Variants in WDPCP observed in about 807,000 individuals in gnomAD.
WDPCP encodes the protein WD repeat containing planar cell polarity effector, also known as WD repeat-containing and planar cell polarity effector protein fritz homolog.
Under a neutral mutation model 93.1 loss-of-function variants are expected in WDPCP, and 71 were observed. The ratio of observed to expected loss-of-function variants is 0.76; its 90% CI spans 0.63 to 0.93. WDPCP has a LOEUF of 0.93. Ranked by LOEUF, WDPCP falls within the 40% of genes least tolerant of loss-of-function variation. The pLI is 0.00. For synonymous variants in WDPCP, 315 were observed against 315.0 expected, an observed-to-expected ratio of 1.00 and a Z score of 0.00; for missense variants, 844 against 887.4, an observed-to-expected ratio of 0.95 and a Z score of 0.62.
chr2:63,518,538 C>T (rs1702705384), intron 1 of WDPCP: 1 of 152,362 alleles, frequency 6.6e-6, no homozygotes, highest in African/African-American at 2.4e-5. Context: ...GAACTAAAGC[C>T]AGTGGGGAGC....
chr2:63,803,452 C>G (rs1670722064), intron 2 of WDPCP, among the ~76,000 whole-genome samples: 1 of 152,040 alleles, frequency 6.6e-6, no homozygotes, highest in Non-Finnish European at 1.5e-5. Context: ...TAATATGGAA[C>G]TAGCATATTC....
At chr2:63,211,153 GCCT>G (rs1400870202) in intron 14 of WDPCP, among the ~76,000 whole-genome samples, 6 of 152,210 alleles carry the variant, frequency 3.9e-5, no homozygotes, top group African/African-American at 1.2e-4. Flanking sequence ...TGGACAGACT[GCCT>G]CCTCAAGTGG....
At position 63,358,611 on chromosome 2, in the gene WDPCP, C is replaced by T. The variant is rs188388555; in HGVS notation, c.1748+19775G>A. Among the ~76,000 whole-genome samples, 110 of 152,238 alleles carry T rather than the reference C, an allele frequency of 7.2e-4. 1 individual carries two copies. The East Asian group carries it at 7.9e-3, about 11-fold the overall frequency. Reference sequence around the variant, plus strand: ...AGCTGGGACTACAGGTGTGCACCATCACACCTGGCTAATTATTTTATTTTT... The same window carrying T: ...AGCTGGGACTACAGGTGTGCACCATTACACCTGGCTAATTATTTTATTTTT... On this transcript the variant is annotated intron_variant, in intron 12 of 17. Transcript: ENST00000272321.
intron 2 of WDPCP, among the ~76,000 whole-genome samples, chr2:63,741,591 A>AT (rs966884208): frequency 3.1e-4 from 46 of 149,458 alleles, no homozygotes; most frequent in South Asian, 6.4e-4. Context: ...CAATATTTGC[A>AT]TTTTTTTTTC....
chr2:63,437,393 A>T, intron 8 of WDPCP, 28 bp downstream of exon 8: 1 of 1,533,424 alleles, frequency 6.5e-7, no homozygotes, highest in Non-Finnish European at 8.9e-7. Context: ...ATAATTAATA[A>T]TATGACTATA....
At chr2:63,257,675 C>G (rs1425696875) in intron 14 of WDPCP, among the ~76,000 whole-genome samples, 1 of 152,158 alleles carries the variant, frequency 6.6e-6, no homozygotes, top group Non-Finnish European at 1.5e-5. Flanking sequence ...ACTAAGCTTT[C>G]TGGCTAGGAA....
chr2:63,437,766 A>T, intron 7 of WDPCP: 5 of 1,311,764 alleles, frequency 3.8e-6, no homozygotes, highest in Admixed American at 2.5e-5. Context: ...TTTTCCTGTG[A>T]CTATTTCAAT....
chr2:63,292,329 T>A (rs992342607), intron 13 of WDPCP, among the ~76,000 whole-genome samples: 1 of 151,378 alleles, frequency 6.6e-6, no homozygotes, highest in South Asian at 2.1e-4. Flanking sequence ...AACATTATCA[T>A]CATTTAATGC....
intron 14 of WDPCP, among the ~76,000 whole-genome samples, chr2:63,212,638 G>A (rs1676927164): frequency 6.6e-6 from 1 of 152,130 alleles, no homozygotes; most frequent in African/African-American, 2.4e-5. Flanking sequence ...ACATGTAAAT[G>A]GACTAAATGC....
At chr2:63,150,261 T>C (rs1457457348) in intron 17 of WDPCP, among the ~76,000 whole-genome samples, 2 of 152,318 alleles carry the variant, frequency 1.3e-5, no homozygotes, top group Non-Finnish European at 2.9e-5. Context: ...TGATGTCATA[T>C]AGGGGTTTCT....
At chr2:63,323,279 C>A (rs185172343) in intron 12 of WDPCP, among the ~76,000 whole-genome samples, 2 of 152,220 alleles carry the variant, frequency 1.3e-5, no homozygotes, top group African/African-American at 4.8e-5. Context: ...TTCTAAAAAC[C>A]ACTCCCTGTC....
chr2:63,589,307 G>A (rs1233455098), upstream of WDPCP: 1 of 1,550,742 alleles, frequency 6.4e-7, no homozygotes, highest in Admixed American at 2.0e-5. Flanking sequence ...TCTTAATCCT[G>A]CTGCATGACG....
intron 2 of WDPCP, among the ~76,000 whole-genome samples, chr2:63,673,278 A>C (rs896922884): frequency 1.3e-5 from 2 of 152,198 alleles, no homozygotes; most frequent in African/African-American, 4.8e-5. Context: ...GGGATTAGAT[A>C]GATACACAGG....
intron 14 of WDPCP, among the ~76,000 whole-genome samples, chr2:63,239,906 G>T (rs1679729758): frequency 6.6e-6 from 1 of 152,090 alleles, no homozygotes. Flanking sequence ...TATTATTTTA[G>T]TATGGGTTTG....
intron 12 of WDPCP, among the ~76,000 whole-genome samples, chr2:63,319,443 A>G (rs571468587): frequency 3.3e-5 from 5 of 152,236 alleles, no homozygotes; most frequent in Non-Finnish European, 5.9e-5. Flanking sequence ...GTGTGAGACT[A>G]AGGGTTATCT....
chr2:63,257,530 T>C (rs1681249002), intron 14 of WDPCP, among the ~76,000 whole-genome samples: 1 of 152,170 alleles, frequency 6.6e-6, no homozygotes, highest in African/African-American at 2.4e-5. Flanking sequence ...ACTGATGTTA[T>C]TTAATAGTAT....
At chr2:63,747,654 T>C (rs1393143300) in intron 2 of WDPCP, among the ~76,000 whole-genome samples, 1 of 152,084 alleles carries the variant, frequency 6.6e-6, no homozygotes, top group African/African-American at 2.4e-5. Flanking sequence ...TATCCAGCAC[T>C]AATACTGTAC....
rs57582852 is a variant in WDPCP at position 63,558,527 on chromosome 2, C to CAA, written c.75+29668_75+29669dup. ...CTGGCAACAGAGTGAGACTCTGTCT[C>CAA]AAAAAAAAAAAAAAAAAAGAAAAAG... On this transcript the variant is annotated intron_variant, in intron 1 of 17. Transcript: ENST00000272321. Among the ~76,000 whole-genome samples the CAA allele has an allele frequency of 3.6e-3, 520 of 143,256 alleles. 1 individual carries two copies. Among genetic ancestry groups the CAA allele is most frequent in the Middle Eastern group, 0.01 (3 of 290 alleles). The allele number at this position is 143,256 out of a possible 152,430, so 94.0% of individuals were successfully genotyped here. A position where few individuals can be genotyped will look rare whatever the true frequency, so the allele number is the denominator to read the frequency against.
At chr2:63,684,626 C>CG in intron 2 of WDPCP, 1 of 710,984 alleles carries the variant, frequency 1.4e-6, no homozygotes, top group Non-Finnish European at 2.6e-6. Context: ...TGCTCTTAAA[C>CG]GCAAGGCCTG....
Sources: gnomAD v4.1 joint callset for allele counts (sites outside exome capture counted in the v4.1 genomes callset) on GRCh38, gnomAD v4.1.1 for gene constraint, MANE v1.5 for transcripts, NCBI Gene and HGNC (gene_info 2026-07-23, HGNC 2026-07-21) for gene names.